USP9X: variants seen among roughly 807,000 people sequenced by gnomAD.
The protein encoded by USP9X is ubiquitin specific peptidase 9 X-linked, also known as ubiquitin carboxyl-terminal hydrolase 9X.
Under a neutral mutation model 190.3 loss-of-function variants are expected in USP9X, and 7 were observed. The ratio of observed to expected loss-of-function variants is 0.04; its 90% confidence interval spans 0.02 to 0.07. The LOEUF (loss-of-function observed/expected upper bound fraction) is 0.07. Ranked by LOEUF, USP9X falls within the 10% of genes least tolerant of loss-of-function variation. The pLI is 1.00. For synonymous variants in USP9X, 645 were observed against 659.5 expected, an observed-to-expected ratio of 0.98 and a Z score of 0.34; for missense variants, 1,010 against 1,916.9, an observed-to-expected ratio of 0.53 and a Z score of 8.83.
At chrX:41,192,094 A>G (rs894343480) in intron 26 of USP9X, among the ~76,000 whole-genome samples, 2 of 111,762 alleles carry the variant, frequency 1.8e-5, no homozygotes, top group African/African-American at 6.5e-5. Context: ...GTACTCTTCT[A>G]ATCTGTTGAC....
At position 41,087,746 on chromosome X, in the gene USP9X, C is replaced by T. The variant is rs184073648; in HGVS notation, c.-159+1637C>T. Among the ~76,000 whole-genome samples the T allele has an allele frequency of 2.2e-3, 251 of 112,168 alleles. 2 individuals are homozygous for T. The highest frequency in any genetic ancestry group is 0.02 in the Admixed American group (210 of 10,602). ...AGGACGTTTGGACTATATGAATTCTCTCTACCCCTTTTCTTGTATTTTTTT... is the reference window on the plus strand; with the variant it reads ...AGGACGTTTGGACTATATGAATTCTTTCTACCCCTTTTCTTGTATTTTTTT... On this transcript the variant is annotated intron_variant, in intron 1 of 44. Transcript: ENST00000378308.
intron 5 of USP9X, among the ~76,000 whole-genome samples, chrX:41,135,628 G>GT (rs1207751236): frequency 1.8e-5 from 2 of 111,374 alleles, no homozygotes; most frequent in East Asian, 2.8e-4. Flanking sequence ...TGTTGCTTTT[G>GT]TTTTTTGTGT....
chrX:41,104,547 A>G (rs1255703442), intron 1 of USP9X, among the ~76,000 whole-genome samples: 1 of 111,986 alleles, frequency 8.9e-6, no homozygotes, highest in African/African-American at 3.2e-5. Flanking sequence ...GCAAATTCTG[A>G]TAATTTATAG....
At chrX:41,155,311 A>G (rs1284328287) in intron 14 of USP9X, among the ~76,000 whole-genome samples, 1 of 112,194 alleles carries the variant, frequency 8.9e-6, no homozygotes, top group Non-Finnish European at 1.9e-5. Flanking sequence ...TGTTCTCACT[A>G]CAAGTGTTTT....
At chrX:41,225,439 C>G (rs1351332756) in intron 41 of USP9X, among the ~76,000 whole-genome samples, 1 of 111,763 alleles carries the variant, frequency 8.9e-6, no homozygotes, top group Non-Finnish European at 1.9e-5. Flanking sequence ...ATTAATGATG[C>G]CCGAGGATTA....
At chrX:41,137,142 C>A in intron 6 of USP9X, 120 bp downstream of exon 6, 2 of 665,911 alleles carry the variant, frequency 3.0e-6, no homozygotes, top group Non-Finnish European at 4.4e-6. Flanking sequence ...AAAATACACA[C>A]AACCAGGAGC....
intron 16 of USP9X, 29 bp downstream of exon 16, chrX:41,166,243 G>A (rs377171147): frequency 2.0e-6 from 2 of 1,019,295 alleles, no homozygotes; most frequent in Non-Finnish European, 2.6e-6. Flanking sequence ...CTCTGTAAAT[G>A]GTGTCTGATG....
intron 2 of USP9X, among the ~76,000 whole-genome samples, chrX:41,128,014 C>T (rs1017685450): frequency 1.8e-5 from 2 of 111,613 alleles, no homozygotes; most frequent in African/African-American, 3.3e-5. Flanking sequence ...AAATATTATG[C>T]ACTGTTAAAA....
At position 41,143,320 on chromosome X, in the gene USP9X, C is replaced by T; in HGVS notation, c.1191C>T (p.Ser397=). The T allele has an allele frequency of 8.4e-7, 1 of 1,196,803 alleles. No homozygotes were observed. Among genetic ancestry groups the T allele is most frequent in the South Asian group, 1.9e-5 (1 of 53,963 alleles). ...GGATACAGCAGAACAATATCTTATC[C>T]ATAGTGTTGCGAGATAGTCTTCATC... ...AEWIQQNNIL[S]IVLRDSLHQP... Residue 397 remains serine (S), a synonymous_variant, in exon 10 of 45, where the codon TCC becomes TCT. Transcript: ENST00000378308.
At position 41,085,900 on chromosome X, in the gene USP9X, G is replaced by A. The variant is rs1038870252; in HGVS notation, c.-368G>A. The A allele has an allele frequency of 1.0e-4, 30 of 297,213 alleles. No homozygotes were observed. The Admixed American group carries it at 1.5e-3, about 15-fold the overall frequency. 24.5% of individuals were successfully genotyped at this position (297,213 alleles called of 1,213,427 possible). ...GAGGAGGAGGCGGGCGCGGCGAGGA[G>A]CGAGTTCCGGCGCCGGTGTGCAGCC... On this transcript the variant is annotated 5_prime_UTR_variant, in exon 1 of 45. Coordinates refer to ENST00000378308, the MANE Select transcript of USP9X (RefSeq NM_001039591.3).
At chrX:41,096,536 G>A (rs1481457557) in intron 1 of USP9X, among the ~76,000 whole-genome samples, 2 of 111,656 alleles carry the variant, frequency 1.8e-5, no homozygotes, top group Non-Finnish European at 3.8e-5. Context: ...TCTGCCTCCT[G>A]GGTTTAAGTG....
intron 1 of USP9X, among the ~76,000 whole-genome samples, chrX:41,090,490 G>C (rs1195745373): frequency 8.9e-6 from 1 of 112,197 alleles, no homozygotes; most frequent in Non-Finnish European, 1.9e-5. Flanking sequence ...CTAAATCTTG[G>C]TGTCTTCAAC....
chrX:41,159,538 C>CT (rs957556890), intron 14 of USP9X, among the ~76,000 whole-genome samples: 18 of 99,962 alleles, frequency 1.8e-4, no homozygotes, highest in South Asian at 4.4e-4. Flanking sequence ...TTTTTTTTTT[C>CT]TTTTTTTTTG....
intron 3 of USP9X, among the ~76,000 whole-genome samples, chrX:41,131,215 A>T (rs1209101459): frequency 1.8e-5 from 2 of 111,827 alleles, no homozygotes; most frequent in East Asian, 5.5e-4. Context: ...AAGATAATTT[A>T]GTTTTCTTCC....
intron 1 of USP9X, among the ~76,000 whole-genome samples, chrX:41,098,497 A>G (rs756462723): frequency 9.1e-6 from 1 of 109,721 alleles, no homozygotes; most frequent in South Asian, 3.9e-4. Context: ...TAAATGGAGT[A>G]ATACACTATA....
intron 14 of USP9X, among the ~76,000 whole-genome samples, chrX:41,156,803 C>T (rs1234791323): frequency 9.0e-6 from 1 of 111,689 alleles, no homozygotes; most frequent in African/African-American, 3.3e-5. Context: ...TTGGACCAGA[C>T]CGTGCTGTGC....
intron 1 of USP9X, among the ~76,000 whole-genome samples, chrX:41,086,819 C>T (rs773401805): frequency 8.9e-6 from 1 of 112,855 alleles, no homozygotes; most frequent in Non-Finnish European, 1.9e-5. Context: ...CTATTTTTAA[C>T]TGTTTCTGCA....
rs1490362214 is a variant in USP9X, at chrX:41,196,640, T to C, written c.4135T>C (p.Leu1379=). The C allele has an allele frequency of 2.5e-6, 3 of 1,206,681 alleles. No homozygotes were observed. Among genetic ancestry groups the C allele is most frequent in the African/African-American group, 1.7e-5 (1 of 57,642 alleles). ...ACACTCAGGCGACTACTTTACTCTT[T>C]TAAGACACCTTCTTAATTACGCTTA... The part of the protein sequence containing the change: ...AKHSGDYFTL[L]RHLLNYAYNS... The change falls in exon 28 of 45, where the codon TTA becomes CTA. Residue 1379 remains leucine (L), a synonymous_variant. Transcript: ENST00000378308.
rs779781547 is a variant in USP9X at position 41,214,702 on chromosome X, A to G, written c.5324A>G (p.Asn1775Ser). 1 of 1,198,601 alleles carries G rather than the reference A, an allele frequency of 8.3e-7. No individual in the cohort carries two copies. The highest frequency in any genetic ancestry group is 2.3e-5 in the Admixed American group (1 of 42,749). Residue 1775 changes from asparagine to serine, a missense_variant, in exon 34 of 45, where the codon AAT becomes AGT. Around this residue, in one of 11 missense-constraint regions of USP9X, gnomAD observed 120 missense variants for 342.7 expected, o/e 0.35. Transcript: ENST00000378308. The stretch of plus-strand genomic sequence containing the variant: ...AATGCATATCATTGTGAAAAATGCA[A>G]TAAAAAGGTACGGGCTGTCCAGTTT... The part of the protein sequence containing the change: ...GANAYHCEKC[N>S]KKVDTVKRLL...
Sources: allele counts gnomAD v4.1 joint callset (sites outside exome capture counted in the v4.1 genomes callset), GRCh38; gene constraint gnomAD v4.1.1; regional missense constraint gnomAD v4.1.1; transcripts MANE v1.5; gene names NCBI Gene and HGNC (gene_info 2026-07-23, HGNC 2026-07-21).